Variants in AIG1 observed in about 807,000 individuals in gnomAD.
AIG1 encodes the protein androgen induced 1.
AIG1 carries 23 observed loss-of-function variants against 31.4 expected under a neutral mutation model. The observed-to-expected ratio is 0.73, with a 90% CI of 0.53 to 1.04. The LOEUF (loss-of-function observed/expected upper bound fraction) is 1.04, where lower values mean the gene tolerates loss of function less well. Ranked by LOEUF, AIG1 falls within the 50% of genes least tolerant of loss-of-function variation. The pLI is 0.00. For missense variants in AIG1, 274 were observed against 295.0 expected (o/e 0.93, Z 0.52); for synonymous variants, 100 against 110.5 (o/e 0.90, Z 0.60).
Position 143,340,933 on chromosome 6 carries a change from T to C in AIG1, c.*1257T>C, listed in dbSNP as rs1777834432. On this transcript the variant is annotated 3_prime_UTR_variant, in exon 6 of 6. Transcript: ENST00000357847. ...TATAAAACCATTCACTCCAAAATTATAATTACATTTTAAAATTAAAAAATG... is the reference window on the plus strand; with the variant it reads ...TATAAAACCATTCACTCCAAAATTACAATTACATTTTAAAATTAAAAAATG... 6.6e-6 allele frequency among the ~76,000 whole-genome samples: 1 copy of C among 152,166 alleles called. No homozygotes were observed. Among genetic ancestry groups the C allele is most frequent in the Non-Finnish European group, 1.5e-5 (1 of 68,018 alleles).
intron 1 of AIG1, among the ~76,000 whole-genome samples, chr6:143,133,043 G>T (rs1783398913): frequency 6.6e-6 from 1 of 151,716 alleles, no homozygotes; most frequent in East Asian, 1.9e-4. Flanking sequence ...TGTTTTTATT[G>T]AATGGCTTTT....
chr6:143,189,934 C>T (rs1202693738), intron 3 of AIG1: 2 of 701,426 alleles, frequency 2.9e-6, no homozygotes, highest in African/African-American at 3.9e-5. Context: ...AGCTGGGTGC[C>T]AGCATGGTTG....
At chr6:143,184,103 G>A (rs537942124) in intron 3 of AIG1, among the ~76,000 whole-genome samples, 68 of 152,210 alleles carry the variant, frequency 4.5e-4, no homozygotes, top group Non-Finnish European at 8.8e-4. Flanking sequence ...CATCTACCAT[G>A]TGAACCTTAA....
At chr6:143,066,569 G>A (rs2128458164) in intron 1 of AIG1, among the ~76,000 whole-genome samples, 1 of 151,988 alleles carries the variant, frequency 6.6e-6, no homozygotes, top group South Asian at 2.1e-4. Context: ...CACCGCGCCT[G>A]GCCTGAATTC....
chr6:143,209,469 A>G (rs1422773294), intron 3 of AIG1, among the ~76,000 whole-genome samples: 1 of 152,208 alleles, frequency 6.6e-6, no homozygotes, highest in Non-Finnish European at 1.5e-5. Flanking sequence ...GGTCCTTTAA[A>G]TGTGTAAAAG....
At chr6:143,147,363 G>C (rs1380443585) in intron 2 of AIG1, among the ~76,000 whole-genome samples, 3 of 152,164 alleles carry the variant, frequency 2.0e-5, no homozygotes, top group African/African-American at 7.2e-5. Context: ...GGAGTGGCAT[G>C]CCCAAGTTTA....
Position 143,325,714 on chromosome 6 carries a change from C to T in AIG1, c.516-7568C>T, listed in dbSNP as rs1162470995. ...GTCAAATTTCTTTTACAGGTATACA[C>T]ACATAACTGAAATAGAAGTTTCACA... On this transcript the variant is annotated intron_variant, in intron 4 of 5. Coordinates refer to ENST00000357847, the MANE Select transcript of AIG1 (RefSeq NM_016108.4). This position sits in a 1 kb window ranked among gnomAD's most constrained non-coding sequence, Gnocchi z 4.3. Among the ~76,000 whole-genome samples the T allele has an allele frequency of 6.6e-6, 1 of 152,196 alleles. No individual in the cohort carries two copies. The highest frequency in any genetic ancestry group is 2.4e-5 in the African/African-American group (1 of 41,458).
At chr6:143,174,361 C>T (rs546284902) in intron 3 of AIG1, among the ~76,000 whole-genome samples, 99 of 152,042 alleles carry the variant, frequency 6.5e-4, no homozygotes, top group Admixed American at 2.2e-3. Flanking sequence ...GTGGCAGGCA[C>T]CTGTAATCCC....
chr6:143,278,909 A>G (rs920298146), intron 3 of AIG1, among the ~76,000 whole-genome samples: 1 of 152,160 alleles, frequency 6.6e-6, no homozygotes, highest in African/African-American at 2.4e-5. Flanking sequence ...TATTTATGAC[A>G]AATGATATTC....
At chr6:143,118,232 A>C (rs1038222743) in intron 1 of AIG1, among the ~76,000 whole-genome samples, 24 of 152,114 alleles carry the variant, frequency 1.6e-4, no homozygotes, top group African/African-American at 5.1e-4. Context: ...AGGCCAAGGC[A>C]GTCAGATCAT....
chr6:143,132,880 A>AT (rs560198044), intron 1 of AIG1, among the ~76,000 whole-genome samples: 2 of 151,092 alleles, frequency 1.3e-5, no homozygotes, highest in East Asian at 1.9e-4. Context: ...TTGATTTCAG[A>AT]TTTTTTTTAA....
chr6:143,080,610 G>T (rs528222061), intron 1 of AIG1, among the ~76,000 whole-genome samples: 1 of 151,902 alleles, frequency 6.6e-6, no homozygotes, highest in Non-Finnish European at 1.5e-5. Flanking sequence ...AGTGAAAGGG[G>T]GTAAGAGAAC....
At chr6:143,273,383 C>T (rs1022827503) in intron 3 of AIG1, among the ~76,000 whole-genome samples, 2 of 152,096 alleles carry the variant, frequency 1.3e-5, no homozygotes, top group African/African-American at 4.8e-5. Context: ...GTCACTTTTC[C>T]GTGCTCTTTA....
At chr6:143,180,600 A>T (rs1197707430) in intron 3 of AIG1, among the ~76,000 whole-genome samples, 1 of 152,220 alleles carries the variant, frequency 6.6e-6, no homozygotes, top group African/African-American at 2.4e-5. Context: ...AATAACAACA[A>T]TCAGATAGTG....
At chr6:143,241,506 C>T (rs17072349) in intron 3 of AIG1, among the ~76,000 whole-genome samples, 1 of 151,970 alleles carries the variant, frequency 6.6e-6, no homozygotes, top group Non-Finnish European at 1.5e-5. Flanking sequence ...ATTTCCATGC[C>T]GCTCTACTGT....
At chr6:143,283,030 C>T (rs1797449085) in intron 3 of AIG1, among the ~76,000 whole-genome samples, 1 of 152,196 alleles carries the variant, frequency 6.6e-6, no homozygotes, top group South Asian at 2.1e-4. Flanking sequence ...GTTTTCAGTT[C>T]TGCCATCTTT....
chr6:143,313,703 T>C (rs1775500392), intron 4 of AIG1, among the ~76,000 whole-genome samples: 1 of 152,136 alleles, frequency 6.6e-6, no homozygotes, highest in African/African-American at 2.4e-5. Flanking sequence ...ATAACTGGAA[T>C]GTTTGCAACA....
At position 143,203,943 on chromosome 6, in the gene AIG1, G is replaced by T. The variant is rs190180168; in HGVS notation, c.399+38760G>T. ...GGAAGTGAGAAAATAAAAACAGTAGGTATAAAGTACTCTTTTAGAGATGGC... is the reference window on the plus strand; with the variant it reads ...GGAAGTGAGAAAATAAAAACAGTAGTTATAAAGTACTCTTTTAGAGATGGC... On this transcript the variant is annotated intron_variant, in intron 3 of 5. Transcript: ENST00000357847. Among the ~76,000 whole-genome samples, 290 of 152,258 alleles carry T rather than the reference G, an allele frequency of 1.9e-3. 2 individuals are homozygous for T. The highest frequency in any genetic ancestry group is 0.017 in the Middle Eastern group (5 of 294).
chr6:143,335,060 T>G, intron 5 of AIG1: 1 of 1,432,420 alleles, frequency 7.0e-7, no homozygotes, highest in Non-Finnish European at 9.2e-7. Context: ...GATATGAAAA[T>G]TAAGTTTATG....
Sources: gnomAD v4.1 joint callset for allele counts (sites outside exome capture counted in the v4.1 genomes callset) on GRCh38, gnomAD v4.1.1 for gene constraint, Gnocchi (gnomAD v3.1) non-coding constraint, MANE v1.5 for transcripts, NCBI Gene and HGNC (gene_info 2026-07-23, HGNC 2026-07-21) for gene names.